CLK1: variants seen among roughly 807,000 people sequenced by gnomAD.
CLK1 encodes the protein CDC like kinase 1, also known as dual specificity protein kinase CLK1.
Under a neutral mutation model 60.9 loss-of-function variants are expected in CLK1, and 40 were observed. The observed-to-expected ratio is 0.66, with a 90% CI of 0.51 to 0.86. The LOEUF is 0.86. Among genes scored for constraint, CLK1 ranks in the 40% least tolerant of loss-of-function variants. The pLI is 0.00. For synonymous variants in CLK1, 203 were observed against 184.4 expected, an observed-to-expected ratio of 1.10 and a Z score of -0.82; for missense variants, 563 against 606.1, an observed-to-expected ratio of 0.93 and a Z score of 0.75.
Position 200,861,363 on chromosome 2 carries a change from G to A in CLK1, c.265C>T (p.Arg89Cys), listed in dbSNP as rs995930004. The A allele has an allele frequency of 1.1e-5, 17 of 1,613,910 alleles. 1 individual carries two copies. Among genetic ancestry groups the A allele is most frequent in the South Asian group, 9.9e-5 (9 of 91,086 alleles). The change falls in exon 3 of 13, where the codon CGC becomes TGC. Residue 89 changes from arginine to cysteine, a missense_variant. Transcript: ENST00000321356. ...TACCGGCTTTCATGGTCTCTTTGGC[G>A]ATGTCCAGGTTCACATCCTTGAGTG... is the stretch of plus-strand genomic sequence containing the variant. ...DYTQGCEPGH[R>C]QRDHESRYQN... is the part of the protein sequence containing the mutation.
intron 7 of CLK1, chr2:200,857,261 G>A (rs1331227933): frequency 5.0e-6 from 2 of 399,850 alleles, no homozygotes; most frequent in East Asian, 4.5e-5. Flanking sequence ...AGTGAAGACT[G>A]CGCCACTGCA....
chr2:200,859,589 ATCT>A, intron 5 of CLK1, 88 bp downstream of exon 5: 1 of 956,666 alleles, frequency 1.0e-6, no homozygotes, highest in Non-Finnish European at 1.6e-6. Context: ...AAAGATATGT[ATCT>A]AACTCATGGT....
intron 9 of CLK1, 80 bp from the exon 10 acceptor site, chr2:200,855,166 C>CT: frequency 2.9e-6 from 3 of 1,040,014 alleles, no homozygotes; most frequent in African/African-American, 3.3e-5. Flanking sequence ...AACACTAATA[C>CT]TTTAAAAAAA....
rs1314886478 is a variant in CLK1 at position 200,858,061 on chromosome 2, C to T, written c.577G>A (p.Val193Ile). 2.5e-6 allele frequency: 4 copies of T among 1,613,296 alleles called. No homozygotes were observed. The East Asian group carries it at 8.9e-5, about 36-fold the overall frequency. The change falls in exon 6 of 13, where the codon GTT (valine) becomes ATT (isoleucine). Residue 193 changes from valine (V) to isoleucine (I), a missense_variant. Physicochemically the swap from Val to Ile is conservative, Grantham distance 29. Coordinates refer to ENST00000321356, the MANE Select transcript of CLK1 (RefSeq NM_004071.4). ...AGGRHVAVKI[V>I]KNVDRYCEAA... is the part of the protein sequence containing the mutation. ...TCACAGTATCTATCCACATTTTTAA[C>T]TATTTTTACTGCTACATGTCTACCT...
At chr2:200,860,244 A>T in intron 3 of CLK1, 29 bp from the exon 4 acceptor site, 2 of 1,613,792 alleles carry the variant, frequency 1.2e-6, no homozygotes, top group Non-Finnish European at 1.7e-6. Flanking sequence ...CGGCACCAAG[A>T]TCATCCAGCC....
intron 10 of CLK1, 91 bp from the exon 11 acceptor site, chr2:200,854,786 G>T: frequency 2.0e-6 from 2 of 982,968 alleles, no homozygotes; most frequent in Non-Finnish European, 1.6e-6. Context: ...ATTAAGGCTT[G>T]CAGAACAAAC....
At chr2:200,857,430 G>A (rs754946663) in intron 7 of CLK1, 9 of 292,394 alleles carry the variant, frequency 3.1e-5, no homozygotes, top group Admixed American at 1.4e-4. Context: ...TCTTTTATGA[G>A]ATATATCACG....
Position 200,853,085 on chromosome 2 carries a change from T to C in CLK1, c.*221A>G. ...ACTGTTCAGATACATATCAACTTCA[T>C]AAGCACAAAAAATTTATTCTGAATA... On this transcript the variant is annotated 3_prime_UTR_variant, in exon 13 of 13. Coordinates refer to ENST00000321356, the MANE Select transcript of CLK1 (RefSeq NM_004071.4). 1 of 383,064 alleles carries C rather than the reference T, an allele frequency of 2.6e-6. No homozygotes were observed. The highest frequency in any genetic ancestry group is 4.1e-5 in the East Asian group (1 of 24,182). 23.7% of individuals were successfully genotyped at this position (383,064 alleles called of 1,614,324 possible).
At chr2:200,862,681 G>A (rs777712117) in intron 1 of CLK1, among the ~76,000 whole-genome samples, 12 of 152,154 alleles carry the variant, frequency 7.9e-5, no homozygotes, top group African/African-American at 2.2e-4. Flanking sequence ...TGAAACACAC[G>A]TCATTCTCCC....
chr2:200,863,073 T>C (rs568322107), intron 1 of CLK1: 5 of 152,338 alleles, frequency 3.3e-5, no homozygotes, highest in African/African-American at 1.2e-4. Context: ...AAAGACATTA[T>C]ACAGAAATTA....
Position 200,861,786 on chromosome 2 carries a change from C to T in CLK1, c.77G>A (p.Ser26Asn), listed in dbSNP as rs566842001. 5.0e-6 allele frequency: 8 copies of T among 1,614,044 alleles called. No homozygotes were observed. In the East Asian group the frequency reaches 1.6e-4, roughly 31 times the overall value. The part of the protein sequence containing the change: ...DWDYGKWRSS[S>N]SHKRRKRSHS... ...TGATCTCTTCCTTCTTTTATGACTG[C>T]TGCTGCTCCTCCATTTTCCATAATC... The change falls in exon 2 of 13, where the codon AGC becomes AAC. Residue 26 changes from serine (S) to asparagine (N), a missense_variant. This residue lies in a region of CLK1 where 198 missense variants were observed against 179.2 expected (regional missense o/e 1.10). Coordinates refer to ENST00000321356, the MANE Select transcript of CLK1 (RefSeq NM_004071.4).
At position 200,853,330 on chromosome 2, in the gene CLK1, A is replaced by G; in HGVS notation, c.1431T>C (p.Phe477=). ...TLREALKHPF[F]DLLKKSI ...TCTATATACTTTTCTTCAGAAGGTC[A>G]AAGAAAGGATGCTTTAAGGCTTCTC... Residue 477 remains phenylalanine (F), a synonymous_variant, in exon 13 of 13, where the codon TTT becomes TTC. Coordinates refer to ENST00000321356, the MANE Select transcript of CLK1 (RefSeq NM_004071.4). 2 of 1,611,996 alleles carry G rather than the reference A, an allele frequency of 1.2e-6. No homozygotes were observed. Among genetic ancestry groups the G allele is most frequent in the Non-Finnish European group, 1.7e-6 (2 of 1,179,156 alleles).
At position 200,854,642 on chromosome 2, in the gene CLK1, T is replaced by G; in HGVS notation, c.1194A>C (p.Leu398=). 1.2e-6 allele frequency: 2 copies of G among 1,606,546 alleles called. No individual in the cohort carries two copies. Among genetic ancestry groups the G allele is most frequent in the South Asian group, 2.2e-5 (2 of 90,912 alleles). Residue 398 remains leucine (L), a synonymous_variant, in exon 11 of 13, where the codon CTA becomes CTC. Transcript: ENST00000321356. ...LAMMERILGP[L]PKHMIQKTRK... is the part of the protein sequence containing the mutation. ...TGGTTTTCTGTATCATATGTTTTGG[T>G]AGAGGTCCAAGAATCCTTTCCATCA... is the stretch of plus-strand genomic sequence containing the variant.
chr2:200,858,812 C>T (rs978570877), intron 5 of CLK1, among the ~76,000 whole-genome samples: 1 of 145,686 alleles, frequency 6.9e-6, no homozygotes, highest in Admixed American at 7.0e-5. Flanking sequence ...ACAATAACAA[C>T]AACAACAACA....
At chr2:200,861,146 A>C in intron 3 of CLK1, 92 bp downstream of exon 3, 1 of 1,533,008 alleles carries the variant, frequency 6.5e-7, no homozygotes, top group African/African-American at 1.4e-5. Context: ...ATTTCATCTT[A>C]AAACTTTCTC....
chr2:200,853,881 G>C (rs549412511), intron 12 of CLK1, 22 bp downstream of exon 12: 4 of 1,554,614 alleles, frequency 2.6e-6, no homozygotes, highest in Non-Finnish European at 3.5e-6. Context: ...TTGACTATTT[G>C]AGCAATGTCT....
intron 1 of CLK1, 109 bp downstream of exon 1, chr2:200,864,455 C>G: frequency 1.9e-6 from 1 of 520,120 alleles, no homozygotes; most frequent in Non-Finnish European, 3.2e-6. Flanking sequence ...GCAGTCGTCG[C>G]GCCGGGGACG....
chr2:200,861,514 T>C (rs983588377), intron 2 of CLK1, 48 bp from the exon 3 acceptor site: 2 of 1,597,890 alleles, frequency 1.3e-6, no homozygotes, highest in Non-Finnish European at 1.7e-6. Flanking sequence ...AGACCAAATA[T>C]CCTCACATTC....
intron 10 of CLK1, 127 bp downstream of exon 10, chr2:200,854,877 T>C (rs2039013552): frequency 1.3e-6 from 1 of 790,750 alleles, no homozygotes. Context: ...ATGAAAGAAA[T>C]ATGAATTAGT....
Sources: allele counts gnomAD v4.1 joint callset (sites outside exome capture counted in the v4.1 genomes callset), GRCh38; gene constraint gnomAD v4.1.1; regional missense constraint gnomAD v4.1.1; transcripts MANE v1.5; gene names NCBI Gene and HGNC (gene_info 2026-07-23, HGNC 2026-07-21).